Variants in NFIC observed in about 807,000 individuals in gnomAD.
NFIC encodes the protein nuclear factor I C, also known as nuclear factor 1 C-type.
NFIC carries 12 observed loss-of-function variants against 54.4 expected under a neutral mutation model. The observed-to-expected ratio is 0.22, with a 90% CI of 0.14 to 0.36. The LOEUF (loss-of-function observed/expected upper bound fraction) is 0.36, where lower values mean the gene tolerates loss of function less well. NFIC is among the 10% of genes least tolerant of loss of function. The pLI is 1.00. For missense variants in NFIC, 575 were observed against 718.2 expected (o/e 0.80, Z 2.28); for synonymous variants, 322 against 319.2 (o/e 1.01, Z -0.09).
chr19:3,422,853 T>A (rs2081973991), intron 2 of NFIC, among the ~76,000 whole-genome samples: 2 of 152,034 alleles, frequency 1.3e-5, no homozygotes, highest in Admixed American at 1.3e-4. Context: ...TCACAGGGCC[T>A]GGGAGGGAGA....
chr19:3,371,897 TTCC>T (rs2081018575), intron 1 of NFIC, among the ~76,000 whole-genome samples: 1 of 83,716 alleles, frequency 1.2e-5, no homozygotes, highest in African/African-American at 3.6e-5. Flanking sequence ...CCTTCCTTCC[TTCC>T]TTCCTTCCTT....
At chr19:3,407,896 C>T (rs1294242569) in intron 2 of NFIC, among the ~76,000 whole-genome samples, 2 of 152,214 alleles carry the variant, frequency 1.3e-5, no homozygotes, top group East Asian at 3.9e-4. Context: ...GCAGGGAAGA[C>T]GGCACAGCAG....
chr19:3,440,431 CTT>C (rs774059880), intron 6 of NFIC, among the ~76,000 whole-genome samples: 6 of 143,334 alleles, frequency 4.2e-5, no homozygotes, highest in Non-Finnish European at 6.2e-5. Context: ...CTGGGCCACT[CTT>C]TTTTTTTTTT....
intron 6 of NFIC, among the ~76,000 whole-genome samples, chr19:3,448,085 G>A (rs946577191): frequency 2.0e-5 from 3 of 150,400 alleles, no homozygotes; most frequent in Admixed American, 2.0e-4. Context: ...TCTGTTTTTT[G>A]TGTTTGTGAT....
chr19:3,373,793 G>A (rs1207026664), intron 1 of NFIC, among the ~76,000 whole-genome samples: 1 of 152,172 alleles, frequency 6.6e-6, no homozygotes, highest in Non-Finnish European at 1.5e-5. Context: ...CCAGGTCCCT[G>A]CCAAGTCCTC....
chr19:3,444,547 G>A (rs2082342439), intron 6 of NFIC, among the ~76,000 whole-genome samples: 1 of 152,212 alleles, frequency 6.6e-6, no homozygotes. Flanking sequence ...CCTGCCGGGA[G>A]CGTGCCGGCT....
rs552911781 is a variant in NFIC, at chr19:3,436,149, G to A, written c.958+942G>A. Among the ~76,000 whole-genome samples the A allele has an allele frequency of 4.3e-3, 640 of 147,978 alleles. 6 individuals are homozygous for A. The highest frequency in any genetic ancestry group is 0.015 in the African/African-American group (614 of 40,088). ...GGCCTCTGTTTTTGTTTGTTTGTTT[G>A]TTTGTTTGTTTTTGAAACGGAGTCT... On this transcript the variant is annotated intron_variant, in intron 6 of 10. Coordinates refer to ENST00000443272, the MANE Select transcript of NFIC (RefSeq NM_001245002.2).
At chr19:3,460,797 A>G (rs2082628065) in intron 10 of NFIC, among the ~76,000 whole-genome samples, 1 of 151,738 alleles carries the variant, frequency 6.6e-6, no homozygotes, top group African/African-American at 2.4e-5. Context: ...TACAGGCATG[A>G]GCCACCGAGC....
At chr19:3,366,800 C>A (rs1324139898) in intron 1 of NFIC, 134 bp downstream of exon 1, 10 of 576,320 alleles carry the variant, frequency 1.7e-5, no homozygotes, top group Non-Finnish European at 2.5e-5. Flanking sequence ...ATGCCCCCCG[C>A]GCCGAGGGCT....
chr19:3,385,554 G>A (rs950408377), intron 2 of NFIC, among the ~76,000 whole-genome samples: 7 of 149,094 alleles, frequency 4.7e-5, no homozygotes, highest in Admixed American at 4.1e-4. Flanking sequence ...GTTTTTTGGG[G>A]GTTTTTTTGG....
At chr19:3,439,689 A>ATTTT (rs1182271188) in intron 6 of NFIC, among the ~76,000 whole-genome samples, 1 of 133,848 alleles carries the variant, frequency 7.5e-6, no homozygotes, top group Non-Finnish European at 1.6e-5. Flanking sequence ...CACTGGAAGA[A>ATTTT]TTTTTTTTTT....
chr19:3,437,095 C>T (rs139528173), intron 6 of NFIC, among the ~76,000 whole-genome samples: 4 of 152,048 alleles, frequency 2.6e-5, no homozygotes, highest in Non-Finnish European at 5.9e-5. Flanking sequence ...TGACCAGGCT[C>T]GGTGGCTCAC....
intron 9 of NFIC, among the ~76,000 whole-genome samples, chr19:3,455,386 CGGT>C (rs1439010569): frequency 6.7e-6 from 1 of 150,338 alleles, no homozygotes; most frequent in African/African-American, 2.5e-5. Context: ...ACTCAGGGCT[CGGT>C]GGGATTATGC....
At chr19:3,377,972 C>T (rs944682848) in intron 1 of NFIC, among the ~76,000 whole-genome samples, 1 of 151,990 alleles carries the variant, frequency 6.6e-6, no homozygotes, top group Non-Finnish European at 1.5e-5. Context: ...CTGCCGGCCA[C>T]AGTGGCTCAC....
In NFIC at chr19:3,359,774, A is replaced by T. The variant is rs1346985384; in HGVS notation, c.3+89A>T. 4 of 1,298,774 alleles carry T rather than the reference A, an allele frequency of 3.1e-6. No homozygotes were observed. The East Asian group carries it at 1.3e-4, about 43-fold the overall frequency. The allele number at this position is 1,298,774 out of a possible 1,614,324, so 80.5% of individuals were successfully genotyped here. ...GGCGAAAGTTGCAAGATCTGGGGGG[A>T]CAGGGGGCGGGGGCCGCCCGGAGGA... On this transcript the variant is annotated intron_variant, in intron 1 of 9. Coordinates refer to the NFIC transcript ENST00000395111.
At chr19:3,416,840 A>G (rs1227124908) in intron 2 of NFIC, among the ~76,000 whole-genome samples, 1 of 149,536 alleles carries the variant, frequency 6.7e-6, no homozygotes, top group African/African-American at 2.5e-5. Flanking sequence ...TTTTAAAAAC[A>G]CAAAATTCTG....
intron 1 of NFIC, among the ~76,000 whole-genome samples, chr19:3,377,696 C>G (rs1050396630): frequency 1.3e-5 from 2 of 152,072 alleles, no homozygotes; most frequent in African/African-American, 4.8e-5. Flanking sequence ...ACTGCAGCCT[C>G]GACCTCTGAG....
At position 3,381,973 on chromosome 19, in the gene NFIC, G is replaced by C. The variant is rs146638960; in HGVS notation, c.292G>C (p.Gly98Arg). Residue 98 changes from glycine (G) to arginine (R), a missense_variant, in exon 2 of 11, where the codon GGC (glycine) becomes CGC (arginine). Physicochemically the swap from Gly to Arg is moderately radical, Grantham distance 125 (BLOSUM62 -2). Around this residue, in one of 3 missense-constraint regions of NFIC, gnomAD observed 122 missense variants for 158.0 expected, o/e 0.77. Transcript: ENST00000443272. ...CREDFVLSIT[G>R]KKAPGCVLSN... ...CGAGGACTTCGTGCTGAGCATCACC[G>C]GCAAGAAGGCGCCGGGCTGCGTGCT... 6.2e-7 allele frequency: 1 copy of C among 1,613,494 alleles called. No individual in the cohort carries two copies. Among genetic ancestry groups the C allele is most frequent in the South Asian group, 1.1e-5 (1 of 91,082 alleles).
intron 1 of NFIC, among the ~76,000 whole-genome samples, chr19:3,381,148 G>A (rs1007820429): frequency 1.3e-5 from 2 of 152,038 alleles, no homozygotes; most frequent in African/African-American, 4.8e-5. Context: ...CCCAGCACTT[G>A]GGGAGGCCGA....
Sources: gnomAD v4.1 joint callset for allele counts (sites outside exome capture counted in the v4.1 genomes callset) on GRCh38, gnomAD v4.1.1 for gene constraint, gnomAD v4.1.1 regional missense constraint, MANE v1.5 for transcripts, NCBI Gene and HGNC (gene_info 2026-07-23, HGNC 2026-07-21) for gene names.